The following RBFOX2 variants were observed in gnomAD, a reference collection of about 807,000 sequenced individuals.
The protein encoded by RBFOX2 is RNA binding protein fox-1 homolog 2.
In RBFOX2, 10 loss-of-function variants were observed where a neutral mutation model predicts 49.1. The observed-to-expected ratio is 0.20, with a 90% CI of 0.13 to 0.35. The LOEUF (loss-of-function observed/expected upper bound fraction) is 0.35, where lower values mean the gene tolerates loss of function less well. RBFOX2 is among the 10% of genes least tolerant of loss of function. RBFOX2 has a pLI of 1.00. For synonymous variants in RBFOX2, 183 were observed against 187.4 expected (o/e 0.98, Z 0.19); for missense variants, 323 against 486.9 (o/e 0.66, Z 3.17).
chr22:35,910,527 C>G (rs1162970255), intron 1 of RBFOX2, among the ~76,000 whole-genome samples: 1 of 152,168 alleles, frequency 6.6e-6, no homozygotes, highest in Non-Finnish European at 1.5e-5. Context: ...CAGACTCAGA[C>G]AGCTTAAGGG....
intron 1 of RBFOX2, among the ~76,000 whole-genome samples, chr22:35,875,716 G>GAATCTGGACA (rs1160084776): frequency 2.1e-5 from 3 of 144,810 alleles, no homozygotes; most frequent in Admixed American, 1.4e-4. Context: ...TACCACACAA[G>GAATCTGGACA]AATCTGGACA....
rs1233378228 is a variant in RBFOX2, at chr22:35,847,566, TC to T, written c.-33-37563del. Among the ~76,000 whole-genome samples, 8 of 152,290 alleles carry T rather than the reference TC, an allele frequency of 5.3e-5. No individual in the cohort carries two copies. In the East Asian group the frequency reaches 1.5e-3, roughly 29 times the overall value. On this transcript the variant is annotated intron_variant, in intron 1 of 13. Coordinates refer to the RBFOX2 transcript ENST00000359369. ...TGGGTAGTAACCAACCATCTACTAC[TC>T]ATTTATAAATGCACTGAAAAAAACT...
intron 1 of RBFOX2, among the ~76,000 whole-genome samples, chr22:35,987,203 G>A (rs1033397471): frequency 5.9e-5 from 9 of 152,190 alleles, no homozygotes; most frequent in Admixed American, 1.3e-4. Context: ...AACATACCAA[G>A]AATGCATTAA....
At chr22:35,963,670 G>A (rs1255462886), upstream of RBFOX2, among the ~76,000 whole-genome samples, 9 of 152,068 alleles carry the variant, frequency 5.9e-5, no homozygotes, top group Non-Finnish European at 8.8e-5. Flanking sequence ...CACTTATTAC[G>A]TTCCAAGAGT....
chr22:35,824,853 T>C (rs1398193478), intron 1 of RBFOX2, among the ~76,000 whole-genome samples: 3 of 152,260 alleles, frequency 2.0e-5, no homozygotes, highest in Non-Finnish European at 4.4e-5. Context: ...TCTTTACTTA[T>C]AGTCTTCCTC....
chr22:35,745,110 TTC>T (rs1932017469), intron 11 of RBFOX2, among the ~76,000 whole-genome samples: 1 of 152,248 alleles, frequency 6.6e-6, no homozygotes, highest in African/African-American at 2.4e-5. Context: ...AGAAGTAGCT[TTC>T]TCATATTCCT....
chr22:35,867,882 C>T (rs1028913097), intron 1 of RBFOX2, among the ~76,000 whole-genome samples: 2 of 152,038 alleles, frequency 1.3e-5, no homozygotes, highest in South Asian at 4.2e-4. Flanking sequence ...TAATTGCCAA[C>T]GTAATATCCA....
At chr22:35,860,533 C>T (rs2042986069) in intron 1 of RBFOX2, among the ~76,000 whole-genome samples, 1 of 152,238 alleles carries the variant, frequency 6.6e-6, no homozygotes, top group African/African-American at 2.4e-5. Flanking sequence ...ACCTAACTGA[C>T]ACAATTTCAT....
At chr22:35,973,317 G>A (rs565345615) in intron 1 of RBFOX2, among the ~76,000 whole-genome samples, 2 of 152,216 alleles carry the variant, frequency 1.3e-5, no homozygotes, top group South Asian at 2.1e-4. Flanking sequence ...AAAGGCTGGC[G>A]CTATAAACTG....
At chr22:35,917,041 C>T (rs954812697) in intron 1 of RBFOX2, among the ~76,000 whole-genome samples, 6 of 152,168 alleles carry the variant, frequency 3.9e-5, no homozygotes, top group African/African-American at 1.2e-4. Context: ...GGCCATCTGA[C>T]AACCTTATTA....
chr22:35,896,328 C>T (rs906000140), intron 1 of RBFOX2, among the ~76,000 whole-genome samples: 6 of 152,128 alleles, frequency 3.9e-5, no homozygotes, highest in African/African-American at 1.2e-4. Flanking sequence ...CATTCTCAAA[C>T]GGTAACAGGT....
intron 2 of RBFOX2, among the ~76,000 whole-genome samples, chr22:35,804,604 A>AT (rs1400206404): frequency 6.6e-6 from 1 of 152,144 alleles, no homozygotes; most frequent in Admixed American, 6.5e-5. Flanking sequence ...GGGATGACAT[A>AT]TTTAAAGGGC....
intron 2 of RBFOX2, among the ~76,000 whole-genome samples, chr22:35,794,210 T>C (rs1027047490): frequency 1.4e-5 from 2 of 146,436 alleles, no homozygotes; most frequent in African/African-American, 5.0e-5. Context: ...TATGGATGTC[T>C]TTTTTTTTTT....
At chr22:35,892,880 TA>T (rs1419987852) in intron 1 of RBFOX2, among the ~76,000 whole-genome samples, 17 of 152,336 alleles carry the variant, frequency 1.1e-4, no homozygotes, top group African/African-American at 4.1e-4. Context: ...TGGTACTGGC[TA>T]AACCTACACT....
intron 1 of RBFOX2, among the ~76,000 whole-genome samples, chr22:35,814,191 C>T (rs369139793): frequency 1.7e-3 from 261 of 152,088 alleles, no homozygotes; most frequent in Non-Finnish European, 3.1e-3. Context: ...TACAGTTGTC[C>T]CTTCATATCT....
chr22:36,002,334 A>C (rs928200640), intron 1 of RBFOX2, among the ~76,000 whole-genome samples: 1 of 152,230 alleles, frequency 6.6e-6, no homozygotes, highest in Non-Finnish European at 1.5e-5. Flanking sequence ...AAAAGACTGG[A>C]AACGACCTAA....
chr22:35,905,580 T>C (rs1224602574), intron 1 of RBFOX2, among the ~76,000 whole-genome samples: 1 of 152,212 alleles, frequency 6.6e-6, no homozygotes, highest in Non-Finnish European at 1.5e-5. Context: ...TACTCAGCCA[T>C]GAAGAAGAGA....
intron 1 of RBFOX2, chr22:35,822,046 C>A (rs1603300242): frequency 2.1e-6 from 1 of 484,998 alleles, no homozygotes; most frequent in South Asian, 1.5e-5. Flanking sequence ...AGAGGGCCAG[C>A]CTTTCTGCCT....
chr22:35,998,352 T>C (rs758252004), intron 1 of RBFOX2: 10 of 152,114 alleles, frequency 6.6e-5, no homozygotes, highest in African/African-American at 2.4e-4. Flanking sequence ...CTACCTCACA[T>C]AGAGAACATC....
Sources: gnomAD v4.1 joint callset for allele counts (sites outside exome capture counted in the v4.1 genomes callset) on GRCh38, gnomAD v4.1.1 for gene constraint, MANE v1.5 for transcripts, NCBI Gene and HGNC (gene_info 2026-07-23, HGNC 2026-07-21) for gene names.